NAV2: variants seen among roughly 807,000 people sequenced by gnomAD.
The protein encoded by NAV2 is neuron navigator 2, also known as helicase, APC down-regulated 1.
In NAV2, 54 loss-of-function variants were observed where a neutral mutation model predicts 223.2. The observed-to-expected ratio is 0.24, with a 90% CI of 0.19 to 0.30. NAV2 has a LOEUF of 0.30. Among genes scored for constraint, NAV2 ranks in the 10% least tolerant of loss-of-function variants. NAV2 has a pLI of 1.00. For synonymous variants in NAV2, 1,279 were observed against 1,239.3 expected (o/e 1.03, Z -0.67); for missense variants, 2,806 against 3,147.5 (o/e 0.89, Z 2.60).
chr11:19,834,974 T>C (rs1424788719), intron 2 of NAV2, among the ~76,000 whole-genome samples: 1 of 152,232 alleles, frequency 6.6e-6, no homozygotes, highest in Admixed American at 6.5e-5. Flanking sequence ...AAGGTATGTA[T>C]GGAAGGATGA....
chr11:19,668,052 C>T (rs2048466452), intron 1 of NAV2, among the ~76,000 whole-genome samples: 2 of 152,180 alleles, frequency 1.3e-5, no homozygotes, highest in South Asian at 4.1e-4. Flanking sequence ...CACCTATTCT[C>T]TCCCTCTATT....
intron 7 of NAV2, among the ~76,000 whole-genome samples, chr11:19,938,289 C>T (rs1232624135): frequency 1.3e-5 from 2 of 151,980 alleles, no homozygotes; most frequent in Non-Finnish European, 1.5e-5. Context: ...GGGGAGTAGA[C>T]CAAACTTAGG....
intron 7 of NAV2, among the ~76,000 whole-genome samples, chr11:19,935,824 A>G (rs1352169573): frequency 7.9e-6 from 1 of 126,676 alleles, no homozygotes; most frequent in Non-Finnish European, 1.8e-5. Context: ...TGGTCTACAT[A>G]CACGGCTTTT....
At chr11:19,748,907 G>A (rs2053584884) in intron 1 of NAV2, among the ~76,000 whole-genome samples, 1 of 152,252 alleles carries the variant, frequency 6.6e-6, no homozygotes, top group South Asian at 2.1e-4. Flanking sequence ...GACAGGCAGA[G>A]ATAGGGAAGA....
At chr11:19,361,580 A>G (rs1853948553) in intron 1 of NAV2, among the ~76,000 whole-genome samples, 1 of 152,060 alleles carries the variant, frequency 6.6e-6, no homozygotes, top group South Asian at 2.1e-4. Context: ...TGCCATCCAC[A>G]GTCCTGAGGT....
intron 1 of NAV2, among the ~76,000 whole-genome samples, chr11:19,676,986 G>A (rs569471789): frequency 8.5e-5 from 13 of 152,270 alleles, no homozygotes; most frequent in African/African-American, 2.4e-4. Flanking sequence ...GTTTGTGGGC[G>A]CCTGTTAACC....
chr11:20,035,838 G>C (rs926025881), intron 11 of NAV2, 121 bp from the exon 12 acceptor site: 6 of 1,144,970 alleles, frequency 5.2e-6, no homozygotes, highest in Non-Finnish European at 7.4e-6. Flanking sequence ...AGAGAGCTTT[G>C]TCCGGGGCTT....
intron 1 of NAV2, among the ~76,000 whole-genome samples, chr11:19,547,508 G>A (rs1226548573): frequency 6.6e-6 from 1 of 152,124 alleles, no homozygotes; most frequent in Non-Finnish European, 1.5e-5. Flanking sequence ...GGCTGCAGGA[G>A]CCTGAAGTAC....
rs1448321734 is a variant in NAV2 at position 20,097,602 on chromosome 11, T to C, written c.6038T>C (p.Val2013Ala). 5 of 1,602,772 alleles carry C rather than the reference T, an allele frequency of 3.1e-6. No homozygotes were observed. The highest frequency in any genetic ancestry group is 4.2e-6 in the Non-Finnish European group (5 of 1,176,856). ...GAATACATCATTCATGTCGACCCAG[T>C]GAGTCAGCTAGGGCTGAATTCAGAC... ...FKEYIIHVDP[V>A]SQLGLNSDSV... Residue 2013 changes from valine to alanine, a missense_variant, in exon 31 of 38, where the codon GTG (valine) becomes GCG (alanine). This residue lies in a region of NAV2 where 824 missense variants were observed against 1,069.4 expected (regional missense o/e 0.77). Transcript: ENST00000349880.
chr11:19,974,086 A>C (rs1215148181), intron 10 of NAV2, among the ~76,000 whole-genome samples: 1 of 152,274 alleles, frequency 6.6e-6, no homozygotes, highest in Non-Finnish European at 1.5e-5. Flanking sequence ...GGGGGCCAAG[A>C]GTAGTTACTA....
intron 6 of NAV2, among the ~76,000 whole-genome samples, chr11:19,894,262 T>C (rs2041766311): frequency 1.3e-5 from 2 of 152,194 alleles, no homozygotes; most frequent in Admixed American, 1.3e-4. Context: ...CCATGATTAA[T>C]ACCGTGCTTT....
chr11:19,689,857 C>T (rs1042058262), intron 1 of NAV2, among the ~76,000 whole-genome samples: 10 of 152,180 alleles, frequency 6.6e-5, no homozygotes, highest in African/African-American at 2.2e-4. Context: ...AGAAAGATTG[C>T]CATGGTTGCC....
At chr11:19,615,905 A>G (rs560654106) in intron 1 of NAV2, among the ~76,000 whole-genome samples, 1 of 152,114 alleles carries the variant, frequency 6.6e-6, no homozygotes, top group South Asian at 2.1e-4. Flanking sequence ...GTCTGAGTCC[A>G]CTGTTGGGGG....
At chr11:19,742,766 AG>A (rs1326738450) in intron 1 of NAV2, among the ~76,000 whole-genome samples, 1 of 152,242 alleles carries the variant, frequency 6.6e-6, no homozygotes, top group African/African-American at 2.4e-5. Context: ...TGTCCAAGCC[AG>A]TCCACATGTG....
rs1456485518 is a variant in NAV2, at chr11:19,933,786, G to A, written c.1542G>A (p.Leu514=). 2.5e-6 allele frequency: 4 copies of A among 1,614,160 alleles called. No individual in the cohort carries two copies. Among genetic ancestry groups the A allele is most frequent in the Middle Eastern group, 1.6e-4 (1 of 6,062 alleles). ...AGAGAGCCTCTGTGACGGAGAGGCT[G>A]GACCTCAAGGAGGAGCCAAAAGAAG... The part of the protein sequence containing the change: ...LAKRASVTER[L]DLKEEPKEDP... Residue 514 remains leucine (L), a synonymous_variant, in exon 7 of 38, where the codon CTG becomes CTA. Transcript: ENST00000349880. The surrounding 1 kb of genome is among the most constrained non-coding windows in gnomAD (Gnocchi z 4.3).
chr11:19,897,870 G>C (rs1487483641), intron 6 of NAV2, among the ~76,000 whole-genome samples: 1 of 119,168 alleles, frequency 8.4e-6, no homozygotes, highest in South Asian at 3.3e-4. Flanking sequence ...AGCCACAGCT[G>C]TGCCTGACCT....
At chr11:19,665,267 G>A (rs1218633894) in intron 1 of NAV2, among the ~76,000 whole-genome samples, 1 of 152,238 alleles carries the variant, frequency 6.6e-6, no homozygotes, top group Non-Finnish European at 1.5e-5. Flanking sequence ...TCTCTAGGCT[G>A]CAGCCGACTG....
intron 32 of NAV2, among the ~76,000 whole-genome samples, chr11:20,102,156 A>G (rs1441963399): frequency 6.6e-6 from 1 of 152,124 alleles, no homozygotes; most frequent in Non-Finnish European, 1.5e-5. Context: ...GGGACCAGTA[A>G]GTGAAGGCTC....
chr11:19,383,376 C>T (rs1848917872), intron 1 of NAV2, among the ~76,000 whole-genome samples: 1 of 152,294 alleles, frequency 6.6e-6, no homozygotes, highest in East Asian at 1.9e-4. Flanking sequence ...TGGAGCAAAG[C>T]CCCTCAATTT....
Sources: allele counts gnomAD v4.1 joint callset (sites outside exome capture counted in the v4.1 genomes callset), GRCh38; gene constraint gnomAD v4.1.1; regional missense constraint gnomAD v4.1.1; non-coding constraint Gnocchi (gnomAD v3.1); transcripts MANE v1.5; gene names NCBI Gene and HGNC (gene_info 2026-07-23, HGNC 2026-07-21).